KIRREL1: variants seen among roughly 807,000 people sequenced by gnomAD.
The protein encoded by KIRREL1 is kirre like nephrin family adhesion molecule 1.
A neutral mutation model predicts 83.3 loss-of-function variants in KIRREL1; 25 were observed. The ratio of observed to expected loss-of-function variants is 0.30; its 90% CI spans 0.22 to 0.42. The LOEUF (loss-of-function observed/expected upper bound fraction) is 0.42, where lower values mean the gene tolerates loss of function less well. KIRREL1 is among the 10% of genes least tolerant of loss of function. The pLI, the probability that KIRREL1 is intolerant of heterozygous loss-of-function variation, is 1.00. For missense variants in KIRREL1, 812 were observed against 1,032.3 expected (o/e 0.79, Z 2.92); for synonymous variants, 388 against 410.4 (o/e 0.95, Z 0.66).
At position 158,072,055 on chromosome 1, in the gene KIRREL1, A is replaced by G. The variant is rs1334919909; in HGVS notation, c.53-4058A>G. ...GCTCTCCCACATCCCCCTCGCCACC[A>G]CCATATGTCAGAACCGTCCAGAGCC... On this transcript the variant is annotated intron_variant, in intron 1 of 14. Coordinates refer to ENST00000359209, the MANE Select transcript of KIRREL1 (RefSeq NM_018240.7). 2.6e-5 allele frequency among the ~76,000 whole-genome samples: 4 copies of G among 151,590 alleles called. No homozygotes were observed. In the East Asian group the frequency reaches 7.8e-4, roughly 29 times the overall value.
At chr1:158,001,572 A>C (rs188994723) in intron 1 of KIRREL1, among the ~76,000 whole-genome samples, 14 of 152,266 alleles carry the variant, frequency 9.2e-5, no homozygotes, top group African/African-American at 3.1e-4. Context: ...GAGAGTCCAG[A>C]GAAGGGACTT....
At position 158,091,549 on chromosome 1, in the gene KIRREL1, A is replaced by G. The variant is rs1174032344; in HGVS notation, c.1464A>G (p.Glu488=). 6.2e-7 allele frequency: 1 copy of G among 1,614,170 alleles called. No homozygotes were observed. The highest frequency in any genetic ancestry group is 2.2e-5 in the East Asian group (1 of 44,886). The change falls in exon 11 of 15, where the codon GAA becomes GAG. Residue 488 remains glutamate (E), a synonymous_variant. Transcript: ENST00000359209. Reference sequence around the variant, plus strand: ...CAGGCACAGCCATCATCCAGCTGGAAGAGCGAGGTGACTGGTAGTGCTGCC... The same window carrying G: ...CAGGCACAGCCATCATCCAGCTGGAGGAGCGAGGTGACTGGTAGTGCTGCC... ...FGPGTAIIQL[E]EREVLPVGII...
In KIRREL1 at chr1:158,093,444, G is replaced by T; in HGVS notation, c.1577G>T (p.Gly526Val). 1.9e-6 allele frequency: 3 copies of T among 1,614,054 alleles called. No individual in the cohort carries two copies. Among genetic ancestry groups the T allele is most frequent in the Non-Finnish European group, 2.5e-6 (3 of 1,179,914 alleles). Residue 526 changes from glycine (G) to valine (V), a missense_variant and splice_region_variant, in exon 12 of 15, where the codon GGC (glycine) becomes GTC (valine). Coordinates refer to ENST00000359209, the MANE Select transcript of KIRREL1 (RefSeq NM_018240.7). ...TTCTTCCTCTACCGGCGCCGCAAAG[G>T]CAGTGAGTATGGGCCCTGTGCAGCC... Reference protein sequence around the residue: ...LVFFLYRRRKGSRKDVTLRKL... With the variant: ...LVFFLYRRRKVSRKDVTLRKL...
At chr1:158,084,309 C>G (rs1263014417) in intron 3 of KIRREL1, 113 bp from the exon 4 acceptor site, 20 of 1,053,558 alleles carry the variant, frequency 1.9e-5, no homozygotes, top group Non-Finnish European at 2.6e-5. Context: ...GGTGGTACCG[C>G]CTACCTAGAG....
chr1:158,083,516 G>A (rs909282600), intron 3 of KIRREL1, among the ~76,000 whole-genome samples: 1 of 152,238 alleles, frequency 6.6e-6, no homozygotes, highest in Admixed American at 6.5e-5. Context: ...ACAGGAGGCC[G>A]AAATGCTTGG....
intron 12 of KIRREL1, 84 bp downstream of exon 12, chr1:158,093,530 T>C: frequency 1.2e-6 from 2 of 1,602,972 alleles, no homozygotes; most frequent in South Asian, 2.2e-5. Flanking sequence ...GGATGGGAGG[T>C]TGGCCCTTGA....
At chr1:158,089,431 A>C (rs1662122153) in intron 8 of KIRREL1, 71 bp from the exon 9 acceptor site, 2 of 1,594,152 alleles carry the variant, frequency 1.3e-6, no homozygotes, top group East Asian at 4.5e-5. Flanking sequence ...GATGCCTCCG[A>C]TGTGGGGCCC....
chr1:158,010,662 T>G (rs569320236), intron 1 of KIRREL1, among the ~76,000 whole-genome samples: 1 of 152,342 alleles, frequency 6.6e-6, no homozygotes, highest in Admixed American at 6.5e-5. Flanking sequence ...CCCTGAAAGC[T>G]ATTTCTTCTC....
In KIRREL1 at chr1:158,080,605, C is replaced by T. The variant is rs571692096; in HGVS notation, c.352+2465C>T. On this transcript the variant is annotated intron_variant, in intron 3 of 14. Coordinates refer to ENST00000359209, the MANE Select transcript of KIRREL1 (RefSeq NM_018240.7). Reference sequence around the variant, plus strand: ...GAGTAACTTTAAGCTGAAAGAGAGACAGGGACGGTTAGTGCAGCTGGAGGG... The same window carrying T: ...GAGTAACTTTAAGCTGAAAGAGAGATAGGGACGGTTAGTGCAGCTGGAGGG... Among the ~76,000 whole-genome samples, 5 of 152,130 alleles carry T rather than the reference C, an allele frequency of 3.3e-5. No individual in the cohort carries two copies. In the East Asian group the frequency reaches 9.6e-4, roughly 29 times the overall value.
intron 1 of KIRREL1, among the ~76,000 whole-genome samples, chr1:158,075,625 C>T (rs1661656888): frequency 6.6e-6 from 1 of 152,234 alleles, no homozygotes; most frequent in African/African-American, 2.4e-5. Context: ...TTCACATTGA[C>T]TCCCATCAGC....
intron 1 of KIRREL1, among the ~76,000 whole-genome samples, chr1:158,075,554 G>A (rs1300262866): frequency 1.3e-5 from 2 of 152,226 alleles, no homozygotes; most frequent in African/African-American, 4.8e-5. Flanking sequence ...TGGCTTTATA[G>A]TATCTACCCT....
intron 1 of KIRREL1, chr1:158,025,664 AGAG>A (rs942455269): frequency 1.0e-4 from 16 of 152,796 alleles, no homozygotes; most frequent in African/African-American, 3.9e-4. Flanking sequence ...GCAGCACCGA[AGAG>A]GAGAAGCAGA....
At chr1:158,033,540 C>T (rs914032658) in intron 1 of KIRREL1, among the ~76,000 whole-genome samples, 1 of 152,214 alleles carries the variant, frequency 6.6e-6, no homozygotes, top group Non-Finnish European at 1.5e-5. Flanking sequence ...CTCTTCCTTG[C>T]TTTGCAGCTC....
Position 158,094,218 on chromosome 1 carries a change from A to C in KIRREL1, c.1720-95A>C. On this transcript the variant is annotated intron_variant, in intron 13 of 14. Transcript: ENST00000359209. The surrounding 1 kb of genome is among the most constrained non-coding windows in gnomAD (Gnocchi z 4.6). Reference sequence around the variant, plus strand: ...CTGCCCTTGACCTCAGACCCCACCCATGAGCAGGTGGCCTCTGAGCGTGGG... The same window carrying C: ...CTGCCCTTGACCTCAGACCCCACCCCTGAGCAGGTGGCCTCTGAGCGTGGG... 9.8e-7 allele frequency: 1 copy of C among 1,021,520 alleles called. No individual in the cohort carries two copies. Among genetic ancestry groups the C allele is most frequent in the Non-Finnish European group, 1.5e-6 (1 of 663,906 alleles). The allele number at this position is 1,021,520 out of a possible 1,614,324, so 63.3% of individuals were successfully genotyped here.
At position 158,007,182 on chromosome 1, in the gene KIRREL1, C is replaced by T. The variant is rs1659541284; in HGVS notation, c.52+13454C>T. Among the ~76,000 whole-genome samples, 8 of 152,302 alleles carry T rather than the reference C, an allele frequency of 5.3e-5. No individual in the cohort carries two copies. In the South Asian group the frequency reaches 1.7e-3, roughly 32 times the overall value. ...ATGGGGGGACATGGGTTCCCATCTT[C>T]CCCAGTGTATAAACACCTATAAAGA... On this transcript the variant is annotated intron_variant, in intron 1 of 14. Transcript: ENST00000359209.
At chr1:158,086,853 T>G in intron 5 of KIRREL1, 107 bp downstream of exon 5, 9 of 1,042,842 alleles carry the variant, frequency 8.6e-6, no homozygotes, top group African/African-American at 1.6e-5. Flanking sequence ...CCCCCTATGG[T>G]CCCCAGGACA....
intron 1 of KIRREL1, among the ~76,000 whole-genome samples, chr1:157,999,725 G>A (rs571899153): frequency 6.6e-6 from 1 of 151,988 alleles, no homozygotes; most frequent in Admixed American, 6.6e-5. Context: ...GGAAAAGGAT[G>A]GGGGTGTGGG....
intron 1 of KIRREL1, among the ~76,000 whole-genome samples, chr1:158,034,771 G>A (rs1248365749): frequency 2.6e-5 from 4 of 152,152 alleles, no homozygotes; most frequent in Admixed American, 6.5e-5. Flanking sequence ...GTTGAGGGAC[G>A]GGAGACCCTG....
chr1:158,081,508 G>A (rs539102671), intron 3 of KIRREL1, among the ~76,000 whole-genome samples: 26 of 152,266 alleles, frequency 1.7e-4, no homozygotes, highest in Non-Finnish European at 3.1e-4. Context: ...TATTTTTGAA[G>A]TTTTATAAAC....
Sources: allele counts gnomAD v4.1 joint callset (sites outside exome capture counted in the v4.1 genomes callset), GRCh38; gene constraint gnomAD v4.1.1; non-coding constraint Gnocchi (gnomAD v3.1); transcripts MANE v1.5; gene names NCBI Gene and HGNC (gene_info 2026-07-23, HGNC 2026-07-21).